The following PCDH15 variants were observed in gnomAD, a reference collection of about 807,000 sequenced individuals.
PCDH15 encodes the protein protocadherin-15.
A neutral mutation model predicts 178.5 loss-of-function variants in PCDH15; 129 were observed. That is an observed-to-expected ratio of 0.72 (90% CI 0.63 to 0.84). The LOEUF is 0.84. Among genes scored for constraint, PCDH15 ranks in the 40% least tolerant of loss-of-function variants. PCDH15 has a pLI of 0.00. For missense variants in PCDH15, 2,230 were observed against 2,099.9 expected (o/e 1.06, Z -1.21); for synonymous variants, 800 against 732.0 (o/e 1.09, Z -1.50).
At chr10:54,552,638 T>C (rs2086741074) in intron 2 of PCDH15, among the ~76,000 whole-genome samples, 1 of 152,172 alleles carries the variant, frequency 6.6e-6, no homozygotes, top group African/African-American at 2.4e-5. Context: ...GTCTACCTTA[T>C]AGAATTGGTG....
At chr10:54,876,985 T>C (rs1954156850) in intron 3 of PCDH15, among the ~76,000 whole-genome samples, 1 of 152,160 alleles carries the variant, frequency 6.6e-6, no homozygotes, top group South Asian at 2.1e-4. Flanking sequence ...AATCAATCAA[T>C]GCAGGAAACT....
intron 20 of PCDH15, among the ~76,000 whole-genome samples, chr10:54,009,514 G>A (rs1427900002): frequency 6.6e-6 from 1 of 152,164 alleles, no homozygotes; most frequent in Non-Finnish European, 1.5e-5. Context: ...AGAGGTGGGG[G>A]CCAAGAGAAC....
chr10:55,591,175 G>T (rs550118698), intron 2 of PCDH15, among the ~76,000 whole-genome samples: 1 of 151,922 alleles, frequency 6.6e-6, no homozygotes, highest in African/African-American at 2.4e-5. Flanking sequence ...GTTATGATAG[G>T]CAGTCCTGGT....
chr10:55,020,593 G>A (rs900955552), intron 2 of PCDH15, among the ~76,000 whole-genome samples: 1 of 152,046 alleles, frequency 6.6e-6, no homozygotes, highest in Non-Finnish European at 1.5e-5. Flanking sequence ...TTTTGTGAAA[G>A]GGAAATACAT....
intron 2 of PCDH15, among the ~76,000 whole-genome samples, chr10:54,974,231 A>G (rs564766660): frequency 1.3e-5 from 2 of 152,268 alleles, no homozygotes; most frequent in African/African-American, 4.8e-5. Context: ...GAACACAAAG[A>G]AGCTAAAGAA....
rs566386133 is a variant in PCDH15 at position 53,809,333 on chromosome 10, G to A, written c.4671+1223C>T. ...TAATCTTTATCTTCTTCCTCAAGGC[G>A]TCTCTGCCACTCTTCACCCTCAAGG... On this transcript the variant is annotated intron_variant, in intron 37 of 37. Transcript: ENST00000644397. The A allele has an allele frequency of 4.0e-5, 64 of 1,613,062 alleles. No individual in the cohort carries two copies. In the Admixed American group the frequency reaches 4.2e-4, roughly 11 times the overall value.
At position 53,969,699 on chromosome 10, in the gene PCDH15, A is replaced by G. The variant is rs534298345; in HGVS notation, c.2869-7807T>C. ...ACAAGTCAGAAGAGAGCAGGGGACA[A>G]TATTCAACATTCTTAAAGAAAAGAA... On this transcript the variant is annotated intron_variant, in intron 21 of 37. Coordinates refer to ENST00000644397, the MANE Select transcript of PCDH15 (RefSeq NM_001384140.1). Among the ~76,000 whole-genome samples, 67 of 152,364 alleles carry G rather than the reference A, an allele frequency of 4.4e-4. 1 individual carries two copies. The South Asian group carries it at 0.013, about 30-fold the overall frequency.
At chr10:54,335,442 C>A (rs1156810423) in intron 6 of PCDH15, among the ~76,000 whole-genome samples, 1 of 152,206 alleles carries the variant, frequency 6.6e-6, no homozygotes, top group African/African-American at 2.4e-5. Context: ...GGTGTGTCCT[C>A]ATGCAAATTT....
intron 2 of PCDH15, among the ~76,000 whole-genome samples, chr10:55,401,943 G>C (rs882026): frequency 0.62 from 93,403 of 151,754 alleles, 29,708 homozygotes; most frequent in African/African-American, 0.75. Flanking sequence ...GAATCTATTA[G>C]AGATTGTAAA....
intron 1 of PCDH15, among the ~76,000 whole-genome samples, chr10:55,234,818 G>C (rs1358722028): frequency 6.6e-6 from 1 of 151,886 alleles, no homozygotes; most frequent in Non-Finnish European, 1.5e-5. Flanking sequence ...ATTACAATGA[G>C]AGTGGTAATA....
chr10:54,369,769 A>G (rs888204359), intron 4 of PCDH15, among the ~76,000 whole-genome samples: 1 of 151,928 alleles, frequency 6.6e-6, no homozygotes, highest in African/African-American at 2.4e-5. Flanking sequence ...AACTAAACTT[A>G]CTCATTCTAC....
At chr10:54,207,995 C>A (rs1205355104) in intron 10 of PCDH15, among the ~76,000 whole-genome samples, 1 of 151,916 alleles carries the variant, frequency 6.6e-6, no homozygotes, top group Non-Finnish European at 1.5e-5. Flanking sequence ...CATTTTTAAG[C>A]CAGTTGATAA....
chr10:55,145,783 A>C (rs1591939779), intron 2 of PCDH15, among the ~76,000 whole-genome samples: 2 of 152,022 alleles, frequency 1.3e-5, no homozygotes, highest in South Asian at 2.1e-4. Context: ...TTTCCTACTG[A>C]ATAACATTTA....
chr10:55,076,588 G>A (rs1001498914), intron 2 of PCDH15, among the ~76,000 whole-genome samples: 2 of 151,408 alleles, frequency 1.3e-5, no homozygotes, highest in African/African-American at 4.9e-5. Flanking sequence ...GGGACTATAG[G>A]TGCACACCAC....
At chr10:54,183,916 TA>T (rs2048243583) in intron 12 of PCDH15, among the ~76,000 whole-genome samples, 1 of 152,156 alleles carries the variant, frequency 6.6e-6, no homozygotes, top group Non-Finnish European at 1.5e-5. Flanking sequence ...ATTTAATCCT[TA>T]AAAACTTAAT....
chr10:54,674,624 A>C (rs1414503257), intron 1 of PCDH15, among the ~76,000 whole-genome samples: 1 of 152,138 alleles, frequency 6.6e-6, no homozygotes, highest in African/African-American at 2.4e-5. Context: ...GTGAAGATGG[A>C]TAATTTGACT....
chr10:54,683,169 G>T (rs1399547759), intron 1 of PCDH15, among the ~76,000 whole-genome samples: 1 of 151,810 alleles, frequency 6.6e-6, no homozygotes, highest in East Asian at 1.9e-4. Flanking sequence ...TAAATTTTAA[G>T]ATTTTGTTGT....
intron 2 of PCDH15, among the ~76,000 whole-genome samples, chr10:54,573,395 A>T (rs1375784207): frequency 6.6e-6 from 1 of 152,208 alleles, no homozygotes; most frequent in Non-Finnish European, 1.5e-5. Flanking sequence ...ACACATACAC[A>T]TAAATTTAGG....
intron 1 of PCDH15, among the ~76,000 whole-genome samples, chr10:55,302,231 T>C (rs1315694496): frequency 6.6e-6 from 1 of 152,118 alleles, no homozygotes; most frequent in Non-Finnish European, 1.5e-5. Context: ...GAAAAAAGTG[T>C]GTTTCTTCAT....
Sources: gnomAD v4.1 joint callset for allele counts (sites outside exome capture counted in the v4.1 genomes callset) on GRCh38, gnomAD v4.1.1 for gene constraint, MANE v1.5 for transcripts, NCBI Gene and HGNC (gene_info 2026-07-23, HGNC 2026-07-21) for gene names.